BCKDHB: variants seen among roughly 807,000 people sequenced by gnomAD.
The protein encoded by BCKDHB is 2-oxoisovalerate dehydrogenase subunit beta, mitochondrial.
In BCKDHB, 41 loss-of-function variants were observed where a neutral mutation model predicts 48.5. That is an observed-to-expected ratio of 0.85 (90% CI 0.66 to 1.10). The LOEUF (loss-of-function observed/expected upper bound fraction) is 1.10, where lower values mean the gene tolerates loss of function less well. Among genes scored for constraint, BCKDHB ranks in the 50% least tolerant of loss-of-function variants. The probability of loss-of-function intolerance (pLI) is 0.00; values close to 1 mark genes in which losing one functional copy is unlikely to be tolerated. For synonymous variants in BCKDHB, 201 were observed against 174.8 expected, an observed-to-expected ratio of 1.15 and a Z score of -1.18; for missense variants, 496 against 494.2, an observed-to-expected ratio of 1.00 and a Z score of -0.03.
chr6:80,339,084 G>T (rs1272988079), intron 9 of BCKDHB, among the ~76,000 whole-genome samples: 2 of 152,130 alleles, frequency 1.3e-5, no homozygotes, highest in Non-Finnish European at 1.5e-5. Context: ...TAACTCCAGT[G>T]ACACTGTGAC....
In BCKDHB at chr6:80,341,230, C is replaced by A. The variant is rs556816675; in HGVS notation, c.1039-2434C>A. On this transcript the variant is annotated intron_variant, in intron 9 of 9. Transcript: ENST00000320393. ...CTACATAATTTACAGTAATCGTTTC[C>A]AAATTAAGGAAGCCCTATGTGTAAA... Among the ~76,000 whole-genome samples, 5 of 152,150 alleles carry A rather than the reference C, an allele frequency of 3.3e-5. No homozygotes were observed. The East Asian group carries it at 9.6e-4, about 29-fold the overall frequency.
chr6:80,126,658 CT>C (rs1770357597), intron 1 of BCKDHB, among the ~76,000 whole-genome samples: 1 of 152,094 alleles, frequency 6.6e-6, no homozygotes, highest in Non-Finnish European at 1.5e-5. Context: ...TGAAGCCGTT[CT>C]GTGCTCTGAA....
At chr6:80,108,884 C>G (rs1255065378) in intron 1 of BCKDHB, among the ~76,000 whole-genome samples, 2 of 152,080 alleles carry the variant, frequency 1.3e-5, no homozygotes, top group Admixed American at 6.5e-5. Context: ...AACCAAAAAA[C>G]AAAAATCACC....
intron 3 of BCKDHB, among the ~76,000 whole-genome samples, chr6:80,165,709 G>A (rs1411891765): frequency 6.6e-6 from 1 of 152,196 alleles, no homozygotes; most frequent in East Asian, 1.9e-4. Context: ...ATTGTACCTA[G>A]TGGTTCGAAT....
chr6:80,397,631 C>G, the BCKDHB span, among the ~76,000 whole-genome samples: 3 of 152,144 alleles, frequency 2.0e-5, no homozygotes, highest in Admixed American at 2.0e-4. Flanking sequence ...ACCTGTAATA[C>G]CAGCACTTTG....
At chr6:80,466,546 T>C in the BCKDHB span, among the ~76,000 whole-genome samples, 1 of 152,294 alleles carries the variant, frequency 6.6e-6, no homozygotes, top group South Asian at 2.1e-4. Context: ...GTTAGGTGAT[T>C]AACGTTAATT....
intron 9 of BCKDHB, among the ~76,000 whole-genome samples, chr6:80,321,227 G>GGC: frequency 6.6e-6 from 1 of 152,290 alleles, no homozygotes; most frequent in Admixed American, 6.5e-5. Context: ...CTTGGGTACA[G>GGC]AATATCAGTA....
At chr6:80,111,685 C>G (rs1030940148) in intron 1 of BCKDHB, among the ~76,000 whole-genome samples, 1 of 152,220 alleles carries the variant, frequency 6.6e-6, no homozygotes, top group Non-Finnish European at 1.5e-5. Flanking sequence ...AACAAAATAA[C>G]TATTCTCAGA....
chr6:80,194,081 G>C (rs1342000365), intron 6 of BCKDHB, among the ~76,000 whole-genome samples: 2 of 152,114 alleles, frequency 1.3e-5, no homozygotes, highest in African/African-American at 4.8e-5. Context: ...GTCTCTGTCA[G>C]GCCTTGCATT....
At chr6:80,129,886 A>G (rs1770544391) in intron 3 of BCKDHB, among the ~76,000 whole-genome samples, 1 of 152,190 alleles carries the variant, frequency 6.6e-6, no homozygotes, top group African/African-American at 2.4e-5. Flanking sequence ...CGCTAATCAC[A>G]TCTAAAAAAT....
intron 8 of BCKDHB, among the ~76,000 whole-genome samples, chr6:80,259,248 G>A (rs1777187322): frequency 6.6e-6 from 1 of 152,188 alleles, no homozygotes; most frequent in African/African-American, 2.4e-5. Context: ...CTTGCTCACT[G>A]ATCAGCAGCT....
intron 8 of BCKDHB, among the ~76,000 whole-genome samples, chr6:80,256,780 G>A (rs566532365): frequency 3.2e-4 from 48 of 152,132 alleles, no homozygotes; most frequent in Non-Finnish European, 6.0e-4. Flanking sequence ...TGTTGGCTTA[G>A]CTGTTTAGTC....
At chr6:80,198,500 G>A (rs1254405771) in intron 6 of BCKDHB, among the ~76,000 whole-genome samples, 2 of 152,044 alleles carry the variant, frequency 1.3e-5, no homozygotes, top group Admixed American at 6.6e-5. Flanking sequence ...CACTGACACT[G>A]ATTATATAAA....
At chr6:80,394,867 C>T in the BCKDHB span, among the ~76,000 whole-genome samples, 130 of 152,158 alleles carry the variant, frequency 8.5e-4, no homozygotes, top group African/African-American at 3.0e-3. Context: ...TGAATTATGG[C>T]GTTGGTTACC....
At chr6:80,241,769 G>A (rs1205679525) in intron 8 of BCKDHB, among the ~76,000 whole-genome samples, 1 of 152,168 alleles carries the variant, frequency 6.6e-6, no homozygotes, top group African/African-American at 2.4e-5. Flanking sequence ...CTCACCAGCA[G>A]TATGTGAGAT....
At chr6:80,180,660 A>C (rs1773369941) in intron 6 of BCKDHB, among the ~76,000 whole-genome samples, 1 of 152,152 alleles carries the variant, frequency 6.6e-6, no homozygotes, top group African/African-American at 2.4e-5. Context: ...AATGATATTG[A>C]GGAACTTTTT....
chr6:80,437,093 A>C, the BCKDHB span, among the ~76,000 whole-genome samples: 1 of 152,234 alleles, frequency 6.6e-6, no homozygotes, highest in Admixed American at 6.5e-5. Flanking sequence ...AAGACTATTT[A>C]AAATAGTATT....
chr6:80,429,200 C>G, the BCKDHB span, among the ~76,000 whole-genome samples: 14 of 152,124 alleles, frequency 9.2e-5, no homozygotes, highest in Admixed American at 9.2e-4. Flanking sequence ...GGTGTTATTT[C>G]TGAGGCTTCT....
chr6:80,238,429 C>G (rs536450022), intron 8 of BCKDHB, among the ~76,000 whole-genome samples: 5 of 152,132 alleles, frequency 3.3e-5, no homozygotes, highest in African/African-American at 9.6e-5. Context: ...AAACAACAGT[C>G]AAAAGAAAAA....
Sources: allele counts gnomAD v4.1 joint callset (sites outside exome capture counted in the v4.1 genomes callset), GRCh38; gene constraint gnomAD v4.1.1; transcripts MANE v1.5; gene names NCBI Gene and HGNC (gene_info 2026-07-23, HGNC 2026-07-21).